ARRDC5: variants seen among roughly 807,000 people sequenced by gnomAD.
ARRDC5 encodes arrestin domain containing 5.
ARRDC5 carries 12 observed loss-of-function variants against 13.3 expected under a neutral mutation model. The observed-to-expected ratio is 0.90, with a 90% confidence interval of 0.58 to 1.46. ARRDC5 has a LOEUF of 1.46. Among genes scored for constraint, ARRDC5 ranks in the 40% most tolerant of loss-of-function variants. The probability of loss-of-function intolerance (pLI) is 0.00; values close to 1 mark genes in which losing one functional copy is unlikely to be tolerated. For missense variants in ARRDC5, 406 were observed against 418.7 expected (o/e 0.97, Z 0.26); for synonymous variants, 181 against 173.4 (o/e 1.04, Z -0.34).
chr19:4,908,951 C>A, the ARRDC5 span, among the ~76,000 whole-genome samples: 1 of 152,026 alleles, frequency 6.6e-6, no homozygotes, highest in Non-Finnish European at 1.5e-5. Flanking sequence ...CCTGGACAGC[C>A]TGGAGAAGGC....
intron 2 of ARRDC5, among the ~76,000 whole-genome samples, chr19:4,892,102 T>A (rs548728834): frequency 1.4e-3 from 207 of 152,154 alleles, no homozygotes; most frequent in Non-Finnish European, 1.4e-3. Flanking sequence ...TTTGTATTTT[T>A]TTGGAGACAG....
At chr19:4,905,707 G>A (rs538155081), upstream of ARRDC5, among the ~76,000 whole-genome samples, 2 of 151,838 alleles carry the variant, frequency 1.3e-5, no homozygotes, top group Admixed American at 6.6e-5. Context: ...TAGTAGAGAC[G>A]GGGTTTCACC....
At chr19:4,909,697 C>T in the ARRDC5 span, 1 of 507,288 alleles carries the variant, frequency 2.0e-6, no homozygotes, top group Admixed American at 4.3e-5. Context: ...CCGGGCCGGG[C>T]GCACGGGGCT....
the ARRDC5 span, among the ~76,000 whole-genome samples, chr19:4,912,286 T>G: frequency 6.6e-6 from 1 of 152,254 alleles, no homozygotes; most frequent in African/African-American, 2.4e-5. Context: ...CCTCCTCCTA[T>G]GATGCGTGCT....
At chr19:4,896,983 G>T in intron 1 of ARRDC5, 107 bp from the exon 2 acceptor site, 1 of 743,394 alleles carries the variant, frequency 1.3e-6, no homozygotes, top group Non-Finnish European at 2.1e-6. Flanking sequence ...TTGAGACACG[G>T]TCTCACTCTG....
chr19:4,892,413 G>A (rs2656934), intron 2 of ARRDC5, among the ~76,000 whole-genome samples: 18,165 of 141,582 alleles, frequency 0.13, 1,449 homozygotes, highest in Middle Eastern at 0.24. Context: ...AATGCAGCCT[G>A]GAGTGCAGTG....
the ARRDC5 span, among the ~76,000 whole-genome samples, chr19:4,911,437 C>T: frequency 6.6e-6 from 1 of 152,140 alleles, no homozygotes; most frequent in Non-Finnish European, 1.5e-5. Context: ...TTTAAACATC[C>T]ACCACCAATT....
intron 1 of ARRDC5, among the ~76,000 whole-genome samples, chr19:4,898,647 C>T (rs547312969): frequency 1.4e-5 from 2 of 144,676 alleles, no homozygotes; most frequent in Admixed American, 1.4e-4. Context: ...CAGGCATAAG[C>T]CATCAGGCGG....
At chr19:4,895,980 T>A (rs1444646455) in intron 2 of ARRDC5, among the ~76,000 whole-genome samples, 2 of 152,194 alleles carry the variant, frequency 1.3e-5, no homozygotes, top group Non-Finnish European at 2.9e-5. Context: ...ACAGCCACAG[T>A]TGAAAACCAC....
At chr19:4,916,529 G>A in the ARRDC5 span, among the ~76,000 whole-genome samples, 8 of 152,076 alleles carry the variant, frequency 5.3e-5, no homozygotes, top group Non-Finnish European at 1.2e-4. Context: ...CCGAAGTGCC[G>A]CTCTAGGGTC....
rs374974549 is a variant in ARRDC5 at position 4,896,785 on chromosome 19, A to G, written c.345T>C (p.His115=). The change falls in exon 2 of 3, where the codon CAT becomes CAC. Residue 115 remains histidine (H), a synonymous_variant. Transcript: ENST00000650722. ...LPSTFTSKFG[H]VFYFVQASCM... Reference sequence around the variant, plus strand: ...AGGAAGCTTGTACGAAATAGAAGACATGGCCAAATTTGCTGGTGAAGGTAG... The same window carrying G: ...AGGAAGCTTGTACGAAATAGAAGACGTGGCCAAATTTGCTGGTGAAGGTAG... 8 of 1,612,274 alleles carry G rather than the reference A, an allele frequency of 5.0e-6. No homozygotes were observed. Among genetic ancestry groups the G allele is most frequent in the South Asian group, 1.1e-5 (1 of 91,056 alleles).
In ARRDC5 at chr19:4,890,901, C is replaced by G. The variant is rs935023356; in HGVS notation, c.*145G>C. On this transcript the variant is annotated 3_prime_UTR_variant, in exon 3 of 3. Transcript: ENST00000650722. ...GTGATAGTTCTAGGGAGGGGAGACA[C>G]AGATACCTAAACCGCTAGAGCTTGG... The G allele has an allele frequency of 3.2e-5, 21 of 653,834 alleles. No homozygotes were observed. Among genetic ancestry groups the G allele is most frequent in the Admixed American group, 1.2e-4 (4 of 33,670 alleles). The allele number at this position is 653,834 out of a possible 1,614,324, so 40.5% of individuals were successfully genotyped here. A position where few individuals can be genotyped will look rare whatever the true frequency, so the allele number is the denominator to read the frequency against.
chr19:4,896,009 T>C (rs2031697064), intron 2 of ARRDC5, among the ~76,000 whole-genome samples: 2 of 152,148 alleles, frequency 1.3e-5, no homozygotes, highest in Non-Finnish European at 2.9e-5. Flanking sequence ...TTCCTGCCCT[T>C]GTTTCTTTTC....
chr19:4,892,452 C>T (rs2031546006), intron 2 of ARRDC5, among the ~76,000 whole-genome samples: 1 of 149,476 alleles, frequency 6.7e-6, no homozygotes, highest in African/African-American at 2.5e-5. Flanking sequence ...GCAGACTTGA[C>T]CTCCTGGACT....
Position 4,891,161 on chromosome 19 carries a change from A to G in ARRDC5, c.872T>C (p.Leu291Pro). 1.9e-6 allele frequency: 3 copies of G among 1,614,000 alleles called. No homozygotes were observed. The highest frequency in any genetic ancestry group is 1.1e-5 in the South Asian group (1 of 91,082). ...GGGAACTTTGGCCTTGAGGCTGGTC[A>G]GGGACCAGGGCAGGTGCACGGTGGT... ...LVTTVHLPWSLTSLKAKVPII... is the reference protein window; with the variant it reads ...LVTTVHLPWSPTSLKAKVPII... The change falls in exon 3 of 3, where the codon CTG becomes CCG. Residue 291 changes from leucine (L) to proline (P), a missense_variant. Leu to Pro is a moderately conservative substitution (Grantham distance 98). Transcript: ENST00000650722.
chr19:4,903,210 G>A (rs1265580029), upstream of ARRDC5: 5 of 237,676 alleles, frequency 2.1e-5, no homozygotes, highest in Non-Finnish European at 4.3e-5. Flanking sequence ...GGTAGAGACA[G>A]AGTTTCACTG....
rs373520641 is a variant in ARRDC5 at position 4,898,176 on chromosome 19, A to C, written c.254-1300T>G. Among the ~76,000 whole-genome samples the C allele has an allele frequency of 4.6e-5, 7 of 152,262 alleles. No individual in the cohort carries two copies. In the East Asian group the frequency reaches 9.6e-4, roughly 21 times the overall value. ...GCTTGACCTTCAGTGCATGGTATACAGTGGGTGCTTAATACATATTGATTG... is the reference window on the plus strand; with the variant it reads ...GCTTGACCTTCAGTGCATGGTATACCGTGGGTGCTTAATACATATTGATTG... On this transcript the variant is annotated intron_variant, in intron 1 of 2. Transcript: ENST00000650722.
intron 2 of ARRDC5, among the ~76,000 whole-genome samples, chr19:4,895,115 A>AC (rs1176480801): frequency 2.0e-4 from 24 of 119,148 alleles, no homozygotes; most frequent in Non-Finnish European, 2.7e-4. Flanking sequence ...ATGAGCTATT[A>AC]CATTTTTTTT....
At chr19:4,902,401 C>T (rs866380368) in intron 1 of ARRDC5, among the ~76,000 whole-genome samples, 172 bp downstream of exon 1, 9 of 152,134 alleles carry the variant, frequency 5.9e-5, no homozygotes, top group Non-Finnish European at 1.0e-4. Context: ...GTTATTTTTG[C>T]GTTTTGTGTA....
Sources: allele counts gnomAD v4.1 joint callset (sites outside exome capture counted in the v4.1 genomes callset), GRCh38; gene constraint gnomAD v4.1.1; transcripts MANE v1.5; gene names NCBI Gene and HGNC (gene_info 2026-07-23, HGNC 2026-07-21).